Variants in CREB5 observed in about 807,000 individuals in gnomAD.
CREB5 encodes the protein cyclic AMP-responsive element-binding protein 5.
A neutral mutation model predicts 57.1 loss-of-function variants in CREB5; 19 were observed. That is an observed-to-expected ratio of 0.33 (90% CI 0.23 to 0.49). The LOEUF (loss-of-function observed/expected upper bound fraction) is 0.49. Among genes scored for constraint, CREB5 ranks in the 20% least tolerant of loss-of-function variants. CREB5 has a pLI of 0.99. For missense variants in CREB5, 579 were observed against 671.6 expected (o/e 0.86, Z 1.52); for synonymous variants, 238 against 238.3 (o/e 1.00, Z 0.01).
At chr7:28,560,835 T>TGCGTGCGCGTGC (rs1450019513) in intron 4 of CREB5, among the ~76,000 whole-genome samples, 1 of 59,746 alleles carries the variant, frequency 1.7e-5, no homozygotes, top group Non-Finnish European at 4.1e-5. Context: ...CGCGCGCGCG[T>TGCGTGCGCGTGC]GTGTGTGTGC....
intron 7 of CREB5, among the ~76,000 whole-genome samples, chr7:28,754,776 A>G (rs934589236): frequency 6.6e-6 from 1 of 152,156 alleles, no homozygotes; most frequent in South Asian, 2.1e-4. Context: ...CCTGCTTTAC[A>G]ATAGAGAGGG....
intron 5 of CREB5, among the ~76,000 whole-genome samples, chr7:28,688,043 G>A (rs1393049937): frequency 6.6e-6 from 1 of 152,146 alleles, no homozygotes; most frequent in African/African-American, 2.4e-5. Flanking sequence ...AGAGTATTTA[G>A]CATAGCTTTT....
At chr7:28,579,253 A>G (rs538463337) in intron 5 of CREB5, among the ~76,000 whole-genome samples, 229 of 152,318 alleles carry the variant, frequency 1.5e-3, no homozygotes, top group African/African-American at 5.4e-3. Context: ...CACACCCTAC[A>G]ACAACACTAC....
intron 2 of CREB5, among the ~76,000 whole-genome samples, chr7:28,494,580 G>C (rs967381073): frequency 2.0e-5 from 3 of 152,114 alleles, no homozygotes; most frequent in Admixed American, 2.0e-4. Context: ...GGAAGGTATA[G>C]AAGGCAAAAA....
chr7:28,636,609 G>A (rs930134566), intron 5 of CREB5, among the ~76,000 whole-genome samples: 1 of 152,122 alleles, frequency 6.6e-6, no homozygotes, highest in Non-Finnish European at 1.5e-5. Context: ...GCCTGCCTAT[G>A]ACATCCCCAA....
At chr7:28,687,367 C>T (rs79801965) in intron 5 of CREB5, among the ~76,000 whole-genome samples, 11,867 of 147,488 alleles carry the variant, frequency 0.08, 546 homozygotes, top group Non-Finnish European at 0.11. Context: ...AAGAAATTAA[C>T]AGGAAATACA....
At chr7:28,733,559 T>C (rs150513027) in intron 7 of CREB5, among the ~76,000 whole-genome samples, 260 of 152,296 alleles carry the variant, frequency 1.7e-3, no homozygotes, top group African/African-American at 6.0e-3. Context: ...AAATGTACCT[T>C]TCCTGTGAAG....
intron 1 of CREB5, among the ~76,000 whole-genome samples, chr7:28,396,330 C>T (rs118070578): frequency 0.034 from 5,167 of 152,188 alleles, 143 homozygotes; most frequent in Non-Finnish European, 0.053. Flanking sequence ...GGATGCAAGG[C>T]AGATATGCTT....
intron 5 of CREB5, among the ~76,000 whole-genome samples, chr7:28,643,653 G>A (rs1583468836): frequency 6.6e-6 from 1 of 151,440 alleles, no homozygotes. Flanking sequence ...GAAGCATCAG[G>A]TTTTACCACA....
At chr7:28,797,546 T>C (rs1435429774) in intron 7 of CREB5, among the ~76,000 whole-genome samples, 1 of 152,206 alleles carries the variant, frequency 6.6e-6, no homozygotes, top group African/African-American at 2.4e-5. Flanking sequence ...AAAATCTAAA[T>C]CAGAATACTT....
intron 7 of CREB5, among the ~76,000 whole-genome samples, chr7:28,794,840 T>C (rs1807932346): frequency 6.6e-6 from 1 of 152,220 alleles, no homozygotes; most frequent in African/African-American, 2.4e-5. Flanking sequence ...AAAAAACTAA[T>C]GAACACTTTT....
At chr7:28,503,210 G>A (rs1309706156) in intron 3 of CREB5, among the ~76,000 whole-genome samples, 1 of 152,192 alleles carries the variant, frequency 6.6e-6, no homozygotes, top group Non-Finnish European at 1.5e-5. Context: ...TCTCAGCAAG[G>A]CAAGTATCCT....
chr7:28,576,484 G>C (rs778693460), intron 5 of CREB5, among the ~76,000 whole-genome samples: 1 of 152,142 alleles, frequency 6.6e-6, no homozygotes, highest in South Asian at 2.1e-4. Context: ...GCTCCTGACC[G>C]TGGCAATACC....
chr7:28,824,541 A>G lies in CREB5; in HGVS notation c.*5262A>G, dbSNP rs1437791666. The G allele has an allele frequency of 6.6e-6, 1 of 152,660 alleles. No homozygotes were observed. The highest frequency in any genetic ancestry group is 1.9e-4 in the East Asian group (1 of 5,196). 9.5% of individuals were successfully genotyped at this position (152,660 alleles called of 1,614,324 possible). A position where few individuals can be genotyped will look rare whatever the true frequency, so the allele number is the denominator to read the frequency against. ...TCACAATTATAATCTAAGGTAGGATAAGACGACACAGCAGCAATAAACTTA... is the reference window on the plus strand; with the variant it reads ...TCACAATTATAATCTAAGGTAGGATGAGACGACACAGCAGCAATAAACTTA... On this transcript the variant is annotated 3_prime_UTR_variant, in exon 11 of 11. Transcript: ENST00000357727.
chr7:28,551,282 T>C (rs1321429645), intron 4 of CREB5, among the ~76,000 whole-genome samples: 1 of 152,220 alleles, frequency 6.6e-6, no homozygotes, highest in East Asian at 1.9e-4. Flanking sequence ...TTTGGTGTTG[T>C]TGAAAAAGGT....
chr7:28,567,105 G>T (rs944551278), intron 4 of CREB5, among the ~76,000 whole-genome samples: 2 of 152,152 alleles, frequency 1.3e-5, no homozygotes, highest in African/African-American at 2.4e-5. Context: ...AACAATGGTG[G>T]TTGTCATCAT....
chr7:28,688,277 G>A (rs1801055743), intron 5 of CREB5, among the ~76,000 whole-genome samples: 1 of 152,114 alleles, frequency 6.6e-6, no homozygotes, highest in Non-Finnish European at 1.5e-5. Context: ...AAAAAGAGTG[G>A]CAGAGTAGAC....
chr7:28,512,066 G>A (rs920637139), intron 4 of CREB5, among the ~76,000 whole-genome samples: 3 of 152,174 alleles, frequency 2.0e-5, no homozygotes, highest in Non-Finnish European at 4.4e-5. Context: ...GGATGAACCC[G>A]GGTATTTGGC....
chr7:28,735,474 T>C (rs1232559322), intron 7 of CREB5, among the ~76,000 whole-genome samples: 1 of 152,234 alleles, frequency 6.6e-6, no homozygotes, highest in Non-Finnish European at 1.5e-5. Flanking sequence ...TATGTACGTA[T>C]ATAGATTTAT....
Sources: allele counts gnomAD v4.1 joint callset (sites outside exome capture counted in the v4.1 genomes callset), GRCh38; gene constraint gnomAD v4.1.1; transcripts MANE v1.5; gene names NCBI Gene and HGNC (gene_info 2026-07-23, HGNC 2026-07-21).